The following JMJD1C variants were observed in gnomAD, a reference collection of about 807,000 sequenced individuals.
JMJD1C encodes jumonji domain-containing protein 1C.
Under a neutral mutation model 245.3 loss-of-function variants are expected in JMJD1C, and 31 were observed. That is an observed-to-expected ratio of 0.13 (90% CI 0.09 to 0.17). The LOEUF (loss-of-function observed/expected upper bound fraction) is 0.17, where lower values mean the gene tolerates loss of function less well. JMJD1C is among the 10% of genes least tolerant of loss of function. The pLI, the probability that JMJD1C is intolerant of heterozygous loss-of-function variation, is 1.00. For synonymous variants in JMJD1C, 1,057 were observed against 1,017.4 expected, an observed-to-expected ratio of 1.04 and a Z score of -0.74; for missense variants, 2,691 against 3,000.2, an observed-to-expected ratio of 0.90 and a Z score of 2.41.
At chr10:63,495,959 T>C (rs190536057) in intron 1 of JMJD1C, among the ~76,000 whole-genome samples, 2 of 150,458 alleles carry the variant, frequency 1.3e-5, no homozygotes, top group Admixed American at 1.3e-4. Context: ...ATCTAAGCAA[T>C]GACCACCAAT....
chr10:63,431,121 T>A (rs1950720333), intron 1 of JMJD1C, among the ~76,000 whole-genome samples: 1 of 152,196 alleles, frequency 6.6e-6, no homozygotes, highest in African/African-American at 2.4e-5. Context: ...ATTCAGGGAT[T>A]ATAGACTTTA....
intron 1 of JMJD1C, among the ~76,000 whole-genome samples, chr10:63,484,271 TA>T (rs1372250822): frequency 6.8e-6 from 1 of 146,180 alleles, no homozygotes; most frequent in African/African-American, 2.6e-5. Flanking sequence ...GATAGATAGA[TA>T]AGATAGATAG....
At chr10:63,251,624 C>T (rs959398322) in intron 3 of JMJD1C, among the ~76,000 whole-genome samples, 29 of 152,164 alleles carry the variant, frequency 1.9e-4, no homozygotes, top group African/African-American at 7.0e-4. Flanking sequence ...GGAAGCAGAA[C>T]TATTATAACC....
intron 2 of JMJD1C, among the ~76,000 whole-genome samples, chr10:63,348,772 G>C (rs1328391705): frequency 1.3e-5 from 2 of 151,998 alleles, no homozygotes; most frequent in Non-Finnish European, 2.9e-5. Context: ...CAAGATAATG[G>C]GTGAGTTCTC....
chr10:63,399,526 C>A (rs1027096904), intron 1 of JMJD1C, among the ~76,000 whole-genome samples: 13 of 152,062 alleles, frequency 8.5e-5, no homozygotes, highest in African/African-American at 2.7e-4. Context: ...TCTTTTATTT[C>A]TCTTATACTG....
intron 1 of JMJD1C, among the ~76,000 whole-genome samples, chr10:63,401,313 C>G (rs1312893954): frequency 6.6e-6 from 1 of 152,138 alleles, no homozygotes; most frequent in African/African-American, 2.4e-5. Context: ...TAATTCAGTT[C>G]AAAAAGACTT....
intron 22 of JMJD1C, among the ~76,000 whole-genome samples, chr10:63,180,980 G>C (rs1843409233): frequency 6.6e-6 from 1 of 151,938 alleles, no homozygotes; most frequent in African/African-American, 2.4e-5. Flanking sequence ...GTTTTAGCTG[G>C]GATGGTCTCG....
chr10:63,221,375 TTCTA>T (rs138030757), intron 3 of JMJD1C, among the ~76,000 whole-genome samples: 5,305 of 152,262 alleles, frequency 0.035, 278 homozygotes, highest in East Asian at 0.26. Flanking sequence ...GTGGTAAATA[TTCTA>T]TCTGATATGT....
chr10:63,397,739 G>A (rs1398888014), intron 1 of JMJD1C, among the ~76,000 whole-genome samples: 1 of 152,028 alleles, frequency 6.6e-6, no homozygotes, highest in African/African-American at 2.4e-5. Flanking sequence ...CTACTATGTT[G>A]CCCAAGCTGG....
intron 1 of JMJD1C, among the ~76,000 whole-genome samples, chr10:63,394,952 C>T (rs1037004480): frequency 6.6e-6 from 1 of 151,652 alleles, no homozygotes; most frequent in Non-Finnish European, 1.5e-5. Flanking sequence ...TAAGGAAATA[C>T]TTACAAATCA....
At chr10:63,328,555 T>C (rs560783095) in intron 2 of JMJD1C, among the ~76,000 whole-genome samples, 1 of 152,354 alleles carries the variant, frequency 6.6e-6, no homozygotes, top group South Asian at 2.1e-4. Context: ...GGCTGTTTCA[T>C]ATCAGAAGTA....
chr10:63,294,946 C>T (rs1056934547), intron 2 of JMJD1C, among the ~76,000 whole-genome samples: 1 of 151,966 alleles, frequency 6.6e-6, no homozygotes, highest in Non-Finnish European at 1.5e-5. Context: ...AAATGTAGAA[C>T]TAAATTGTTG....
rs1281717317 is a variant in JMJD1C, at chr10:63,321,777, A to C, written c.334-57013T>G. 2.6e-5 allele frequency among the ~76,000 whole-genome samples: 4 copies of C among 152,168 alleles called. No individual in the cohort carries two copies. The East Asian group carries it at 7.7e-4, about 29-fold the overall frequency. ...TACGCGAGTTAGGCACCTTTGCTTCAAAGGCGTGAAGAGCTTCAATAGTTC... is the reference window on the plus strand; with the variant it reads ...TACGCGAGTTAGGCACCTTTGCTTCCAAGGCGTGAAGAGCTTCAATAGTTC... On this transcript the variant is annotated intron_variant, in intron 2 of 25. Coordinates refer to ENST00000399262, the MANE Select transcript of JMJD1C (RefSeq NM_032776.3).
At chr10:63,429,931 T>C (rs964320053) in intron 1 of JMJD1C, among the ~76,000 whole-genome samples, 2 of 152,206 alleles carry the variant, frequency 1.3e-5, no homozygotes, top group Non-Finnish European at 2.9e-5. Context: ...ATCCTAGTAA[T>C]TGTAAACAGG....
intron 3 of JMJD1C, among the ~76,000 whole-genome samples, chr10:63,243,580 T>C (rs754319231): frequency 2.6e-5 from 4 of 152,144 alleles, no homozygotes; most frequent in Non-Finnish European, 2.9e-5. Context: ...TAAATAATAT[T>C]AGCAATAAAT....
chr10:63,342,167 T>C (rs1377786417), intron 2 of JMJD1C, among the ~76,000 whole-genome samples: 2 of 152,226 alleles, frequency 1.3e-5, no homozygotes, highest in Non-Finnish European at 2.9e-5. Context: ...ATTCCAATTG[T>C]TCATTCATTA....
intron 1 of JMJD1C, among the ~76,000 whole-genome samples, chr10:63,458,074 C>A (rs1435782825): frequency 6.6e-6 from 1 of 152,158 alleles, no homozygotes. Context: ...GGGATTTTAT[C>A]CAATTCGATA....
At chr10:63,319,040 C>A (rs1454729509) in intron 2 of JMJD1C, among the ~76,000 whole-genome samples, 1 of 151,972 alleles carries the variant, frequency 6.6e-6, no homozygotes, top group Non-Finnish European at 1.5e-5. Context: ...GTGGGCGGAT[C>A]ACAAGGCCAG....
intron 2 of JMJD1C, among the ~76,000 whole-genome samples, chr10:63,314,492 C>T (rs1939666732): frequency 6.6e-6 from 1 of 152,116 alleles, no homozygotes; most frequent in Non-Finnish European, 1.5e-5. Context: ...CAAGGGAAGT[C>T]GAGGCTACAG....
Sources: allele counts gnomAD v4.1 joint callset (sites outside exome capture counted in the v4.1 genomes callset), GRCh38; gene constraint gnomAD v4.1.1; transcripts MANE v1.5; gene names NCBI Gene and HGNC (gene_info 2026-07-23, HGNC 2026-07-21).